FUT9: variants seen among roughly 807,000 people sequenced by gnomAD.
FUT9 encodes 4-galactosyl-N-acetylglucosaminide 3-alpha-L-fucosyltransferase 9.
FUT9 carries 15 observed loss-of-function variants against 29.7 expected under a neutral mutation model. That is an observed-to-expected ratio of 0.51 (90% CI 0.34 to 0.78). The LOEUF (loss-of-function observed/expected upper bound fraction) is 0.78. Ranked by LOEUF, FUT9 falls within the 30% of genes least tolerant of loss-of-function variation. The pLI is 0.01. For synonymous variants in FUT9, 169 were observed against 153.7 expected, an observed-to-expected ratio of 1.10 and a Z score of -0.74; for missense variants, 319 against 425.4, an observed-to-expected ratio of 0.75 and a Z score of 2.20.
intron 1 of FUT9, among the ~76,000 whole-genome samples, chr6:96,045,594 T>C (rs1218853323): frequency 6.6e-6 from 1 of 152,198 alleles, no homozygotes; most frequent in Non-Finnish European, 1.5e-5. Flanking sequence ...TCATCCAAGA[T>C]AGCAAATACT....
intron 2 of FUT9, among the ~76,000 whole-genome samples, chr6:96,129,499 A>C (rs1354160389): frequency 6.6e-6 from 1 of 152,016 alleles, no homozygotes; most frequent in African/African-American, 2.4e-5. Flanking sequence ...ACTATTCACT[A>C]TAAAAAGCAA....
Position 96,207,676 on chromosome 6 carries a change from C to T in FUT9, c.*3441C>T, listed in dbSNP as rs936337083. 6.0e-6 allele frequency: 1 copy of T among 166,792 alleles called. No individual in the cohort carries two copies. Among genetic ancestry groups the T allele is most frequent in the East Asian group, 1.9e-4 (1 of 5,178 alleles). The allele number at this position is 166,792 out of a possible 1,614,324, so 10.3% of individuals were successfully genotyped here. ...CAAAATTGGTTTGCTGTTGATTATACAAACCAATAATTATGCCTAGAATTA... is the reference window on the plus strand; with the variant it reads ...CAAAATTGGTTTGCTGTTGATTATATAAACCAATAATTATGCCTAGAATTA... On this transcript the variant is annotated 3_prime_UTR_variant, in exon 3 of 3. Transcript: ENST00000302103.
At chr6:96,154,394 A>C (rs1772737492) in intron 2 of FUT9, among the ~76,000 whole-genome samples, 1 of 152,234 alleles carries the variant, frequency 6.6e-6, no homozygotes. Flanking sequence ...AGTAATATAA[A>C]AGCAAACAAA....
chr6:96,130,503 T>C (rs937904218), intron 2 of FUT9, among the ~76,000 whole-genome samples: 5 of 152,126 alleles, frequency 3.3e-5, no homozygotes, highest in African/African-American at 1.2e-4. Context: ...AAAATATCTC[T>C]CTAAAAAGCA....
intron 1 of FUT9, among the ~76,000 whole-genome samples, chr6:96,097,290 G>C (rs1771516869): frequency 6.6e-6 from 1 of 152,232 alleles, no homozygotes; most frequent in South Asian, 2.1e-4. Context: ...CAGCAGCGGT[G>C]TGCTGGAGCC....
At chr6:96,104,047 T>C (rs181617586) in intron 1 of FUT9, among the ~76,000 whole-genome samples, 136 of 152,320 alleles carry the variant, frequency 8.9e-4, no homozygotes, top group Middle Eastern at 3.4e-3. Flanking sequence ...ATTATCTGAT[T>C]AAATCAATTT....
At chr6:96,146,204 T>A (rs2127974990) in intron 2 of FUT9, among the ~76,000 whole-genome samples, 1 of 152,286 alleles carries the variant, frequency 6.6e-6, no homozygotes, top group African/African-American at 2.4e-5. Flanking sequence ...ATGATCTACC[T>A]TATTTTATCA....
At chr6:96,075,261 T>C (rs763793310) in intron 1 of FUT9, among the ~76,000 whole-genome samples, 5 of 152,136 alleles carry the variant, frequency 3.3e-5, no homozygotes, top group Non-Finnish European at 7.4e-5. Flanking sequence ...AAACTAATAA[T>C]AGTGAAGACT....
intron 2 of FUT9, among the ~76,000 whole-genome samples, chr6:96,129,337 CG>C (rs977477056): frequency 4.7e-5 from 7 of 148,534 alleles, no homozygotes; most frequent in Non-Finnish European, 8.9e-5. Flanking sequence ...CCCAGCTATC[CG>C]GGAGGCAGAG....
chr6:96,030,547 C>A (rs1056372481), intron 1 of FUT9, among the ~76,000 whole-genome samples: 2 of 151,444 alleles, frequency 1.3e-5, no homozygotes, highest in African/African-American at 4.8e-5. Flanking sequence ...AATAGTACTG[C>A]AATTTTGGAA....
rs35208471 is a variant in FUT9 at position 96,055,386 on chromosome 6, G to GTT, written c.-98+39181_-98+39182dup. On this transcript the variant is annotated intron_variant, in intron 1 of 2. Transcript: ENST00000302103. ...TCGAGTTAATGGCTGTTTGGGGTTT[G>GTT]TTTTTTTTCTTTACGTTTTTCCTGT... Among the ~76,000 whole-genome samples the GTT allele has an allele frequency of 1.7e-3, 250 of 149,338 alleles. 1 individual carries two copies. The highest frequency in any genetic ancestry group is 5.3e-3 in the African/African-American group (216 of 40,872).
intron 2 of FUT9, among the ~76,000 whole-genome samples, chr6:96,117,390 A>C (rs1771932035): frequency 6.6e-6 from 1 of 152,186 alleles, no homozygotes; most frequent in African/African-American, 2.4e-5. Flanking sequence ...TTTTATTTTA[A>C]AATACATAGA....
intron 1 of FUT9, among the ~76,000 whole-genome samples, chr6:96,025,742 G>A (rs764387607): frequency 6.6e-6 from 1 of 151,706 alleles, no homozygotes; most frequent in South Asian, 2.1e-4. Flanking sequence ...CCATGACTTT[G>A]TCAGCATCCC....
intron 2 of FUT9, among the ~76,000 whole-genome samples, chr6:96,123,531 G>T (rs1193782690): frequency 6.6e-6 from 1 of 152,282 alleles, no homozygotes; most frequent in East Asian, 1.9e-4. Flanking sequence ...TTCCAGAAGT[G>T]TGTTCTTTGA....
chr6:96,018,970 TTATTTGGTATTATTTTGG>T (rs1770025534), intron 1 of FUT9, among the ~76,000 whole-genome samples: 1 of 151,956 alleles, frequency 6.6e-6, no homozygotes, highest in South Asian at 2.1e-4. Context: ...AAAAGTTCTA[TTATTTGGTATTATTTTGG>T]TATTTGGAAT....
At chr6:96,106,406 T>C (rs1489307414) in intron 1 of FUT9, among the ~76,000 whole-genome samples, 1 of 152,178 alleles carries the variant, frequency 6.6e-6, no homozygotes, top group Non-Finnish European at 1.5e-5. Flanking sequence ...ATTTTTTTCT[T>C]GTTATTGCCA....
chr6:96,068,497 C>CA (rs1285783445), intron 1 of FUT9, among the ~76,000 whole-genome samples: 1 of 152,112 alleles, frequency 6.6e-6, no homozygotes, highest in Non-Finnish European at 1.5e-5. Flanking sequence ...TGGAATTCTA[C>CA]AAATAATTGT....
chr6:96,016,435 C>G (rs564442631), intron 1 of FUT9, among the ~76,000 whole-genome samples: 1 of 152,268 alleles, frequency 6.6e-6, no homozygotes, highest in South Asian at 2.1e-4. Context: ...CTGCCTGCAG[C>G]TCGCAGTCCC....
intron 2 of FUT9, among the ~76,000 whole-genome samples, chr6:96,192,331 A>G (rs1427327550): frequency 6.6e-6 from 1 of 152,218 alleles, no homozygotes; most frequent in Non-Finnish European, 1.5e-5. Context: ...AATCTCCTTA[A>G]GCTGATAGCA....
Sources: allele counts gnomAD v4.1 joint callset (sites outside exome capture counted in the v4.1 genomes callset), GRCh38; gene constraint gnomAD v4.1.1; transcripts MANE v1.5; gene names NCBI Gene and HGNC (gene_info 2026-07-23, HGNC 2026-07-21).